ZNF605: variants seen among roughly 807,000 people sequenced by gnomAD.
ZNF605 encodes zinc finger protein 605.
ZNF605 carries 9 observed loss-of-function variants against 7.9 expected under a neutral mutation model. That is an observed-to-expected ratio of 1.14 (90% confidence interval 0.68 to 1.98). The LOEUF is 1.98. Among genes scored for constraint, ZNF605 ranks in the 30% most tolerant of loss-of-function variants. The probability of loss-of-function intolerance (pLI) is 0.00; values close to 1 mark genes in which losing one functional copy is unlikely to be tolerated. For synonymous variants in ZNF605, 255 were observed against 260.1 expected (o/e 0.98, Z 0.19); for missense variants, 673 against 762.4 (o/e 0.88, Z 1.38).
In ZNF605 at chr12:132,925,915, A is replaced by C; in HGVS notation, c.1384T>G (p.Ser462Ala). ...SECGKAFTQK[S>A]SLISHQRTHT... is the part of the protein sequence containing the mutation. Reference sequence around the variant, plus strand: ...GTTCTCTGATGTGATATCAGGCTTGACTTCTGGGTGAAGGCCTTCCCACAC... The same window carrying C: ...GTTCTCTGATGTGATATCAGGCTTGCCTTCTGGGTGAAGGCCTTCCCACAC... Residue 462 changes from serine to alanine, a missense_variant, in exon 5 of 5, where the codon TCA (serine) becomes GCA (alanine). By Grantham distance (99) the Ser-to-Ala change is moderately conservative. Coordinates refer to ENST00000360187, the MANE Select transcript of ZNF605 (RefSeq NM_183238.4). 1.2e-6 allele frequency: 2 copies of C among 1,613,968 alleles called. No individual in the cohort carries two copies. The highest frequency in any genetic ancestry group is 2.7e-5 in the African/African-American group (2 of 74,972).
chr12:132,932,496 T>C (rs939877582), intron 4 of ZNF605, among the ~76,000 whole-genome samples: 1 of 152,154 alleles, frequency 6.6e-6, no homozygotes, highest in African/African-American at 2.4e-5. Context: ...GAGGGATACA[T>C]TTCATCATAA....
chr12:132,926,364 C>T lies in ZNF605; in HGVS notation c.935G>A (p.Ser312Asn). 6.2e-7 allele frequency: 1 copy of T among 1,614,188 alleles called. No individual in the cohort carries two copies. Residue 312 changes from serine (S) to asparagine (N), a missense_variant, in exon 5 of 5, where the codon AGT becomes AAT. Ser to Asn is a conservative substitution (Grantham distance 46, BLOSUM62 1). Transcript: ENST00000360187. ...AHTGEKPYPC[S>N]HCGKAFFWKS... ...CCAAAAGAAGGCTTTTCCACAGTGACTACATGGATAGGGTTTCTCTCCTGT... is the reference window on the plus strand; with the variant it reads ...CCAAAAGAAGGCTTTTCCACAGTGATTACATGGATAGGGTTTCTCTCCTGT...
chr12:132,945,798 C>A lies in ZNF605; in HGVS notation c.-162-1G>T. On this transcript the variant is annotated splice_acceptor_variant, in intron 2 of 4. Coordinates refer to ENST00000360187, the MANE Select transcript of ZNF605 (RefSeq NM_183238.4). LOFTEE classifies it low-confidence loss of function (5UTR_SPLICE). Reference sequence around the variant, plus strand: ...TTGTCTTGTTCCAGAGGGCTATTGCCTGTGGATGCAGTGGACATTTTATTT... The same window carrying A: ...TTGTCTTGTTCCAGAGGGCTATTGCATGTGGATGCAGTGGACATTTTATTT... 2 of 972,386 alleles carry A rather than the reference C, an allele frequency of 2.1e-6. No individual in the cohort carries two copies. Among genetic ancestry groups the A allele is most frequent in the South Asian group, 1.4e-5 (1 of 71,772 alleles). The allele number at this position is 972,386 out of a possible 1,614,324, so 60.2% of individuals were successfully genotyped here.
chr12:132,951,413 TCACA>T (rs1264276087), intron 1 of ZNF605, among the ~76,000 whole-genome samples: 1 of 144,594 alleles, frequency 6.9e-6, no homozygotes, highest in Non-Finnish European at 1.5e-5. Context: ...TCACACACAC[TCACA>T]GACACGTACA....
chr12:132,939,014 C>A (rs1253937162), intron 3 of ZNF605, among the ~76,000 whole-genome samples: 1 of 151,568 alleles, frequency 6.6e-6, no homozygotes, highest in African/African-American at 2.4e-5. Flanking sequence ...GCACCTGCAG[C>A]CCACCATGCC....
chr12:132,946,870 C>G (rs1952499027), intron 2 of ZNF605, among the ~76,000 whole-genome samples: 2 of 152,234 alleles, frequency 1.3e-5, no homozygotes, highest in Non-Finnish European at 2.9e-5. Context: ...ACGCGCATCT[C>G]CAGACCACGT....
intron 4 of ZNF605, among the ~76,000 whole-genome samples, chr12:132,931,452 G>A (rs117885121): frequency 0.029 from 4,351 of 152,264 alleles, 90 homozygotes; most frequent in Non-Finnish European, 0.046. Flanking sequence ...TAGATGCTAC[G>A]TGGATAGAGA....
At position 132,926,920 on chromosome 12, in the gene ZNF605, A is replaced by G; in HGVS notation, c.379T>C (p.Leu127=). Reference sequence around the variant, plus strand: ...CTGCCAGGTTTGATACAGAACAATAATTTCTTATTGAGTTCATCAATTTTC... The same window carrying G: ...CTGCCAGGTTTGATACAGAACAATAGTTTCTTATTGAGTTCATCAATTTTC... ...RKKIDELNKK[L]LFCIKPGRTH... The change falls in exon 5 of 5, where the codon TTA becomes CTA. Residue 127 remains leucine (L), a synonymous_variant. Transcript: ENST00000360187. 1 of 1,612,522 alleles carries G rather than the reference A, an allele frequency of 6.2e-7. No individual in the cohort carries two copies. The highest frequency in any genetic ancestry group is 8.5e-7 in the Non-Finnish European group (1 of 1,179,374).
At position 132,933,799 on chromosome 12, in the gene ZNF605, C is replaced by A. The variant is rs1250881134; in HGVS notation, c.16-644G>T. 2.0e-5 allele frequency among the ~76,000 whole-genome samples: 3 copies of A among 152,160 alleles called. No individual in the cohort carries two copies. On this transcript the variant is annotated intron_variant, in intron 3 of 4. Coordinates refer to ENST00000360187, the MANE Select transcript of ZNF605 (RefSeq NM_183238.4). This position sits in a 1 kb window ranked among gnomAD's most constrained non-coding sequence, Gnocchi z 4.4. ...ATTGTGAATTCATTCATCCATGTAC[C>A]TATCCACTGAACAAGAAACCAGAAT...
intron 4 of ZNF605, 44 bp downstream of exon 4, chr12:132,932,991 G>T: frequency 6.5e-7 from 1 of 1,535,456 alleles, no homozygotes. Context: ...CACCTCACAG[G>T]CCAGTTACTG....
intron 3 of ZNF605, among the ~76,000 whole-genome samples, chr12:132,938,992 G>C (rs1319748618): frequency 3.3e-5 from 5 of 151,662 alleles, no homozygotes; most frequent in Admixed American, 6.6e-5. Flanking sequence ...CCTCCCCGCG[G>C]GGCAGGGCTG....
intron 4 of ZNF605, 104 bp from the exon 5 acceptor site, chr12:132,927,266 C>T (rs1255522660): frequency 1.3e-6 from 1 of 795,228 alleles, no homozygotes; most frequent in African/African-American, 1.8e-5. Flanking sequence ...TTTAAAATTC[C>T]CTCAAATAAT....
At position 132,921,141 on chromosome 12, in the gene ZNF605, AAATTT is replaced by A. The variant is rs1748640027; in HGVS notation, c.*4227_*4231del. 6.9e-6 allele frequency: 1 copy of A among 145,216 alleles called. No individual in the cohort carries two copies. 9.0% of individuals were successfully genotyped at this position (145,216 alleles called of 1,614,324 possible). On this transcript the variant is annotated 3_prime_UTR_variant, in exon 5 of 5. Transcript: ENST00000360187. ...TGCACCCAGCCTCTCATGGCTAATT[AAATTT>A]TTTTTTTGTAGAGATGAGTCTTGCT...
intron 3 of ZNF605, among the ~76,000 whole-genome samples, chr12:132,942,080 A>C (rs1271266834): frequency 6.6e-6 from 1 of 152,190 alleles, no homozygotes; most frequent in Middle Eastern, 3.2e-3. Flanking sequence ...TCTTGTATAC[A>C]ACCTTTCCAG....
intron 4 of ZNF605, among the ~76,000 whole-genome samples, chr12:132,930,155 C>A (rs902418288): frequency 6.6e-5 from 10 of 152,182 alleles, no homozygotes; most frequent in African/African-American, 2.4e-4. Flanking sequence ...CTCAATCACA[C>A]AAGTAGCTGA....
Position 132,925,284 on chromosome 12 carries a change from T to C in ZNF605, c.*89A>G, listed in dbSNP as rs1433131837. Reference sequence around the variant, plus strand: ...GCTTTTTCAACAGTCACTGCCTCAATAGGGTTTCTCTCCCACATGCATCCT... The same window carrying C: ...GCTTTTTCAACAGTCACTGCCTCAACAGGGTTTCTCTCCCACATGCATCCT... On this transcript the variant is annotated 3_prime_UTR_variant, in exon 5 of 5. Coordinates refer to ENST00000360187, the MANE Select transcript of ZNF605 (RefSeq NM_183238.4). The C allele has an allele frequency of 2.1e-6, 2 of 941,108 alleles. No homozygotes were observed. The highest frequency in any genetic ancestry group is 5.1e-5 in the East Asian group (2 of 39,176). 58.3% of individuals were successfully genotyped at this position (941,108 alleles called of 1,614,324 possible). A position where few individuals can be genotyped will look rare whatever the true frequency, so the allele number is the denominator to read the frequency against.
rs1343243082 is a variant in ZNF605 at position 132,920,925 on chromosome 12, C to G, written c.*4448G>C. 1 of 152,282 alleles carries G rather than the reference C, an allele frequency of 6.6e-6. No individual in the cohort carries two copies. Among genetic ancestry groups the G allele is most frequent in the African/African-American group, 2.4e-5 (1 of 41,450 alleles). The allele number at this position is 152,282 out of a possible 1,614,324, so 9.4% of individuals were successfully genotyped here. Reference sequence around the variant, plus strand: ...CACTGCAACCTCCTCCTCCCAGGTACAAGTGATTCTCTTGTCTCAGCCTCC... The same window carrying G: ...CACTGCAACCTCCTCCTCCCAGGTAGAAGTGATTCTCTTGTCTCAGCCTCC... On this transcript the variant is annotated 3_prime_UTR_variant, in exon 5 of 5. Transcript: ENST00000360187.
intron 3 of ZNF605, among the ~76,000 whole-genome samples, chr12:132,943,197 C>G (rs1160876192): frequency 1.3e-5 from 2 of 151,894 alleles, no homozygotes; most frequent in Non-Finnish European, 1.5e-5. Flanking sequence ...CTCGTCTCTA[C>G]TAAAAATACA....
chr12:132,938,767 G>A (rs1282151202), intron 3 of ZNF605, among the ~76,000 whole-genome samples: 7 of 152,134 alleles, frequency 4.6e-5, no homozygotes, highest in African/African-American at 9.7e-5. Context: ...AGGCACGAGC[G>A]GGAACCGGGG....
Sources: allele counts gnomAD v4.1 joint callset (sites outside exome capture counted in the v4.1 genomes callset), GRCh38; gene constraint gnomAD v4.1.1; non-coding constraint Gnocchi (gnomAD v3.1); transcripts MANE v1.5; gene names NCBI Gene and HGNC (gene_info 2026-07-23, HGNC 2026-07-21).